Variants in RAB3C observed in about 807,000 individuals in gnomAD.
The protein encoded by RAB3C is RAB3C, member RAS oncogene family, also known as ras-related protein Rab-3C.
Under a neutral mutation model 26.4 loss-of-function variants are expected in RAB3C, and 17 were observed. That is an observed-to-expected ratio of 0.64 (90% confidence interval 0.44 to 0.97). RAB3C has a LOEUF of 0.97. RAB3C is among the 50% of genes least tolerant of loss of function. The probability of loss-of-function intolerance (pLI) is 0.00; values close to 1 mark genes in which losing one functional copy is unlikely to be tolerated. For synonymous variants in RAB3C, 91 were observed against 95.9 expected, an observed-to-expected ratio of 0.95 and a Z score of 0.30; for missense variants, 242 against 281.9, an observed-to-expected ratio of 0.86 and a Z score of 1.01.
At chr5:58,591,485 G>A (rs1047208353) in intron 1 of RAB3C, among the ~76,000 whole-genome samples, 1 of 151,490 alleles carries the variant, frequency 6.6e-6, no homozygotes, top group African/African-American at 2.4e-5. Flanking sequence ...ATTATGAAAT[G>A]TCCCACTTTA....
At chr5:58,628,448 G>T (rs1027552267) in intron 2 of RAB3C, among the ~76,000 whole-genome samples, 1 of 152,154 alleles carries the variant, frequency 6.6e-6, no homozygotes, top group Non-Finnish European at 1.5e-5. Flanking sequence ...AGTTAGGAAA[G>T]ACCTGTAGCT....
intron 3 of RAB3C, among the ~76,000 whole-genome samples, chr5:58,733,106 C>CT (rs928868678): frequency 6.6e-6 from 1 of 152,072 alleles, no homozygotes; most frequent in Non-Finnish European, 1.5e-5. Context: ...ATTTGGTTAT[C>CT]TTTTTTCCTG....
intron 3 of RAB3C, among the ~76,000 whole-genome samples, chr5:58,809,785 A>C (rs1278065497): frequency 6.6e-6 from 1 of 152,212 alleles, no homozygotes; most frequent in Non-Finnish European, 1.5e-5. Flanking sequence ...GAACTGAATC[A>C]GTCTTACTTT....
intron 2 of RAB3C, among the ~76,000 whole-genome samples, chr5:58,650,268 C>G (rs1212866898): frequency 6.6e-6 from 1 of 151,816 alleles, no homozygotes; most frequent in Non-Finnish European, 1.5e-5. Flanking sequence ...ATTTAAGATG[C>G]AAGATATATA....
intron 2 of RAB3C, among the ~76,000 whole-genome samples, chr5:58,694,732 C>A (rs1455111496): frequency 6.6e-6 from 1 of 152,174 alleles, no homozygotes; most frequent in African/African-American, 2.4e-5. Flanking sequence ...TAGATGTCTT[C>A]TTTTGAGAAG....
intron 3 of RAB3C, among the ~76,000 whole-genome samples, chr5:58,797,339 C>CAAAAAAAAA (rs1206716376): frequency 3.1e-4 from 4 of 12,742 alleles, no homozygotes; most frequent in African/African-American, 8.6e-4. Context: ...CCCTGGAAGA[C>CAAAAAAAAA]AAAAAAAAAA....
At chr5:58,654,853 C>T (rs1057429655) in intron 2 of RAB3C, among the ~76,000 whole-genome samples, 13 of 152,132 alleles carry the variant, frequency 8.5e-5, no homozygotes, top group African/African-American at 1.9e-4. Flanking sequence ...TATTACGTCC[C>T]AGGCAATATC....
intron 2 of RAB3C, among the ~76,000 whole-genome samples, chr5:58,712,879 A>G (rs895946164): frequency 6.6e-6 from 1 of 152,164 alleles, no homozygotes; most frequent in Non-Finnish European, 1.5e-5. Flanking sequence ...ATTCTCTTGA[A>G]CATGAAAACA....
At chr5:58,788,304 T>C (rs535986188) in intron 3 of RAB3C, 2 of 152,398 alleles carry the variant, frequency 1.3e-5, no homozygotes, top group East Asian at 1.9e-4. Context: ...TGGCTTTGTG[T>C]TTAATGCACT....
chr5:58,736,166 C>T (rs187045133), intron 3 of RAB3C, among the ~76,000 whole-genome samples: 147 of 152,324 alleles, frequency 9.7e-4, no homozygotes, highest in African/African-American at 3.4e-3. Flanking sequence ...TGCAGCATTG[C>T]ACCATTCCTA....
intron 3 of RAB3C, among the ~76,000 whole-genome samples, chr5:58,772,617 C>T (rs916307757): frequency 3.3e-5 from 5 of 152,236 alleles, no homozygotes; most frequent in Admixed American, 2.6e-4. Flanking sequence ...GAAGGCTCAT[C>T]GTGCTTGTCT....
At chr5:58,717,026 G>A (rs1175780035) in intron 2 of RAB3C, among the ~76,000 whole-genome samples, 3 of 152,064 alleles carry the variant, frequency 2.0e-5, no homozygotes, top group Non-Finnish European at 4.4e-5. Context: ...CTCGGGTGGG[G>A]GATGTTGATA....
chr5:58,802,543 C>T (rs1423376), intron 3 of RAB3C, among the ~76,000 whole-genome samples: 65,538 of 151,984 alleles, frequency 0.43, 15,551 homozygotes, highest in Middle Eastern at 0.63. Context: ...AAGTTGCAAC[C>T]GTTCTTAGAA....
At chr5:58,825,229 T>G (rs1025411213) in intron 4 of RAB3C, 67 bp downstream of exon 4, 1 of 1,456,526 alleles carries the variant, frequency 6.9e-7, no homozygotes, top group African/African-American at 1.4e-5. Context: ...CTGTACAGAG[T>G]CCGAGCTAAT....
At chr5:58,813,026 T>C (rs1184340075) in intron 3 of RAB3C, among the ~76,000 whole-genome samples, 2 of 152,184 alleles carry the variant, frequency 1.3e-5, no homozygotes, top group African/African-American at 2.4e-5. Flanking sequence ...CCTACTCCAT[T>C]GGAAAGGTTT....
intron 2 of RAB3C, among the ~76,000 whole-genome samples, chr5:58,664,811 A>C (rs1247273432): frequency 1.3e-5 from 2 of 152,098 alleles, no homozygotes; most frequent in African/African-American, 4.8e-5. Context: ...AATGTTGCCT[A>C]ATAGGACTTG....
intron 1 of RAB3C, among the ~76,000 whole-genome samples, chr5:58,614,216 T>G (rs1746775037): frequency 6.6e-6 from 1 of 152,108 alleles, no homozygotes; most frequent in South Asian, 2.1e-4. Flanking sequence ...CCATGAAAAT[T>G]TTGAGAATGT....
chr5:58,587,358 G>A (rs996818208), intron 1 of RAB3C, among the ~76,000 whole-genome samples: 1 of 151,982 alleles, frequency 6.6e-6, no homozygotes, highest in Non-Finnish European at 1.5e-5. Context: ...AAGCAGCTGG[G>A]CCACCTCAAA....
intron 2 of RAB3C, among the ~76,000 whole-genome samples, chr5:58,691,316 T>A (rs1748566526): frequency 6.6e-6 from 1 of 152,156 alleles, no homozygotes; most frequent in African/African-American, 2.4e-5. Context: ...GAGTTTTCTT[T>A]CTCCAAATGG....
Sources: allele counts gnomAD v4.1 joint callset (sites outside exome capture counted in the v4.1 genomes callset), GRCh38; gene constraint gnomAD v4.1.1; transcripts MANE v1.5; gene names NCBI Gene and HGNC (gene_info 2026-07-23, HGNC 2026-07-21).